The following ANKIB1 variants were observed in gnomAD, a reference collection of about 807,000 sequenced individuals.
The protein encoded by ANKIB1 is ankyrin repeat and IBR domain containing 1, also known as ankyrin repeat and IBR domain-containing protein 1.
In ANKIB1, 43 loss-of-function variants were observed where a neutral mutation model predicts 122.1. That is an observed-to-expected ratio of 0.35 (90% CI 0.28 to 0.45). The LOEUF is 0.45. Among genes scored for constraint, ANKIB1 ranks in the 20% least tolerant of loss-of-function variants. The pLI, the probability that ANKIB1 is intolerant of heterozygous loss-of-function variation, is 1.00. For synonymous variants in ANKIB1, 390 were observed against 442.0 expected (o/e 0.88, Z 1.48); for missense variants, 992 against 1,329.5 (o/e 0.75, Z 3.95).
chr7:92,284,158 T>G (rs989432209), intron 1 of ANKIB1, among the ~76,000 whole-genome samples: 2 of 152,206 alleles, frequency 1.3e-5, no homozygotes, highest in Non-Finnish European at 1.5e-5. Flanking sequence ...GTTATGTTCA[T>G]TAATGTTTGC....
At chr7:92,308,033 A>G (rs1168412981) in intron 3 of ANKIB1, among the ~76,000 whole-genome samples, 1 of 151,600 alleles carries the variant, frequency 6.6e-6, no homozygotes, top group East Asian at 1.9e-4. Context: ...AAATTAGCCC[A>G]GCTAATTTTT....
Position 92,376,890 on chromosome 7 carries a change from G to A in ANKIB1, c.1617+5283G>A, listed in dbSNP as rs145053059. Among the ~76,000 whole-genome samples, 501 of 152,258 alleles carry A rather than the reference G, an allele frequency of 3.3e-3. 2 individuals carry two copies. The highest frequency in any genetic ancestry group is 6.0e-3 in the South Asian group (29 of 4,824). Reference sequence around the variant, plus strand: ...CTGAAAAGAGCTAGGGCCTTGCTCTGGATTAGGATTTGGCTTAAGGGAATT... The same window carrying A: ...CTGAAAAGAGCTAGGGCCTTGCTCTAGATTAGGATTTGGCTTAAGGGAATT... On this transcript the variant is annotated intron_variant, in intron 11 of 19. Transcript: ENST00000265742.
intron 11 of ANKIB1, among the ~76,000 whole-genome samples, chr7:92,377,541 G>A (rs1562797024): frequency 6.6e-6 from 1 of 152,066 alleles, no homozygotes; most frequent in Non-Finnish European, 1.5e-5. Flanking sequence ...TTCATGGAGG[G>A]TTGCCACAAA....
At chr7:92,390,587 C>T (rs1224707290) in intron 15 of ANKIB1, among the ~76,000 whole-genome samples, 2 of 152,150 alleles carry the variant, frequency 1.3e-5, no homozygotes, top group Non-Finnish European at 2.9e-5. Flanking sequence ...CTTCATTGTG[C>T]ATTTCTTTTC....
intron 1 of ANKIB1, among the ~76,000 whole-genome samples, chr7:92,249,671 G>GATC (rs1330105127): frequency 6.6e-6 from 1 of 151,770 alleles, no homozygotes; most frequent in Admixed American, 6.6e-5. Context: ...AGTGAGCTGA[G>GATC]ATCGCACCAT....
At chr7:92,284,106 A>T (rs1802065618) in intron 1 of ANKIB1, among the ~76,000 whole-genome samples, 1 of 152,226 alleles carries the variant, frequency 6.6e-6, no homozygotes, top group East Asian at 1.9e-4. Context: ...ATACAGGTTA[A>T]CATTTCAATA....
chr7:92,285,820 G>A (rs1454831382), intron 1 of ANKIB1, among the ~76,000 whole-genome samples: 2 of 152,180 alleles, frequency 1.3e-5, no homozygotes, highest in African/African-American at 4.8e-5. Context: ...CAGACTCTTA[G>A]GGTAGGAATC....
At chr7:92,364,539 A>G (rs189426968) in intron 10 of ANKIB1, among the ~76,000 whole-genome samples, 1 of 152,258 alleles carries the variant, frequency 6.6e-6, no homozygotes, top group Admixed American at 6.5e-5. Context: ...TCTGGCAGCT[A>G]GAAATATTTA....
At chr7:92,293,190 G>C (rs975114749) in intron 1 of ANKIB1, among the ~76,000 whole-genome samples, 3 of 152,132 alleles carry the variant, frequency 2.0e-5, no homozygotes, top group Non-Finnish European at 2.9e-5. Context: ...AAATACCCGT[G>C]CCTGGGTGCT....
chr7:92,391,101 C>A, intron 15 of ANKIB1, 65 bp from the exon 16 acceptor site: 1 of 1,386,766 alleles, frequency 7.2e-7, no homozygotes, highest in Non-Finnish European at 9.6e-7. Flanking sequence ...ACCACATAGA[C>A]CCTGGATTTG....
chr7:92,367,809 G>C (rs549714371), intron 10 of ANKIB1, among the ~76,000 whole-genome samples: 1 of 152,274 alleles, frequency 6.6e-6, no homozygotes, highest in East Asian at 1.9e-4. Context: ...TTTCAGACCA[G>C]TATTTTTCAT....
At chr7:92,308,579 A>G (rs988583677) in intron 3 of ANKIB1, among the ~76,000 whole-genome samples, 2 of 152,128 alleles carry the variant, frequency 1.3e-5, no homozygotes, top group African/African-American at 4.8e-5. Flanking sequence ...CTGAATACAT[A>G]CTGTATTATA....
chr7:92,314,655 A>G (rs1802756029), intron 3 of ANKIB1, among the ~76,000 whole-genome samples: 2 of 152,246 alleles, frequency 1.3e-5, no homozygotes, highest in African/African-American at 2.4e-5. Flanking sequence ...TACCTCTTAC[A>G]GTCCCCTCTC....
At chr7:92,260,230 C>T (rs979792506) in intron 1 of ANKIB1, among the ~76,000 whole-genome samples, 2 of 152,160 alleles carry the variant, frequency 1.3e-5, no homozygotes, top group African/African-American at 4.8e-5. Context: ...TAGTTTCTTC[C>T]TTACTCTCTA....
At chr7:92,273,366 T>A (rs1801837535) in intron 1 of ANKIB1, among the ~76,000 whole-genome samples, 1 of 152,222 alleles carries the variant, frequency 6.6e-6, no homozygotes, top group Non-Finnish European at 1.5e-5. Flanking sequence ...TTGCATATTC[T>A]TGTCTTCCAC....
chr7:92,291,538 G>A (rs973309674), intron 1 of ANKIB1, among the ~76,000 whole-genome samples: 1 of 150,416 alleles, frequency 6.6e-6, no homozygotes, highest in Non-Finnish European at 1.5e-5. Context: ...GCTTTCTGGA[G>A]TCCATCAACA....
rs772853235 is a variant in ANKIB1, at chr7:92,307,353, T to C, written c.189-6T>C. ...TCCTTTATTTTTCCCTTTCTTTCCA[T>C]TTTAGGACTTTTCTTGGTAGAGATG... On this transcript the variant is annotated splice_region_variant and splice_polypyrimidine_tract_variant and intron_variant, in intron 2 of 19. Coordinates refer to ENST00000265742, the MANE Select transcript of ANKIB1 (RefSeq NM_019004.2). 8 of 1,604,850 alleles carry C rather than the reference T, an allele frequency of 5.0e-6. No individual in the cohort carries two copies. The Admixed American group carries it at 1.4e-4, about 27-fold the overall frequency.
intron 10 of ANKIB1, among the ~76,000 whole-genome samples, chr7:92,370,508 CAAAAAAAAAAA>C (rs34318038): frequency 0.023 from 749 of 32,956 alleles, 8 homozygotes; most frequent in African/African-American, 0.051. Context: ...ACTCTTGTCT[CAAAAAAAAAAA>C]AAAAAAAAAA....
At chr7:92,292,786 G>GCATACATA (rs1175267118) in intron 1 of ANKIB1, among the ~76,000 whole-genome samples, 1 of 152,126 alleles carries the variant, frequency 6.6e-6, no homozygotes, top group African/African-American at 2.4e-5. Context: ...TTGTGTATAT[G>GCATACATA]CATACATATT....
Sources: allele counts gnomAD v4.1 joint callset (sites outside exome capture counted in the v4.1 genomes callset), GRCh38; gene constraint gnomAD v4.1.1; transcripts MANE v1.5; gene names NCBI Gene and HGNC (gene_info 2026-07-23, HGNC 2026-07-21).